The following FGFR3 variants were observed in gnomAD, a reference collection of about 807,000 sequenced individuals.
FGFR3 encodes the protein fibroblast growth factor receptor 3, also known as FGFR-3.
FGFR3 carries 25 observed loss-of-function variants against 82.9 expected under a neutral mutation model. The ratio of observed to expected loss-of-function variants is 0.30; its 90% confidence interval spans 0.22 to 0.42. FGFR3 has a LOEUF of 0.42. FGFR3 is among the 10% of genes least tolerant of loss of function. The probability of loss-of-function intolerance (pLI) is 1.00; values close to 1 mark genes in which losing one functional copy is unlikely to be tolerated. For synonymous variants in FGFR3, 620 were observed against 516.0 expected, an observed-to-expected ratio of 1.20 and a Z score of -2.73; for missense variants, 1,026 against 1,161.0, an observed-to-expected ratio of 0.88 and a Z score of 1.69.
At chr4:1,802,940 C>T (rs3135882) in intron 7 of FGFR3, 21 of 1,602,390 alleles carry the variant, frequency 1.3e-5, no homozygotes, top group African/African-American at 2.7e-5. Context: ...GTGTGGAGGC[C>T]GACGTGCGCC....
At position 1,808,195 on chromosome 4, in the gene FGFR3, T is replaced by A. The variant is rs868558612; in HGVS notation, c.*933T>A. The A allele has an allele frequency of 4.3e-6, 1 of 232,888 alleles. No homozygotes were observed. The highest frequency in any genetic ancestry group is 1.3e-3 in the Middle Eastern group (1 of 782). The allele number at this position is 232,888 out of a possible 1,614,324, so 14.4% of individuals were successfully genotyped here. A position where few individuals can be genotyped will look rare whatever the true frequency, so the allele number is the denominator to read the frequency against. On this transcript the variant is annotated 3_prime_UTR_variant, in exon 18 of 18. Transcript: ENST00000440486. ...GGCCACATGGCGGAGAGTTTTAATT[T>A]TTAACTTATTGACAACCGAGAAGGT...
chr4:1,801,342 C>G, intron 4 of FGFR3, 25 bp from the exon 5 acceptor site: 4 of 1,546,306 alleles, frequency 2.6e-6, no homozygotes, highest in South Asian at 1.2e-5. Context: ...CGGGTCATGG[C>G]CTTCACACGC....
Position 1,801,894 on chromosome 4 carries a change from C to G in FGFR3, c.799C>G (p.Leu267Val), listed in dbSNP as rs746064816. ...GCTGCCGGCCAACCAGACGGCGGTG[C>G]TGGGCAGCGACGTGGAGTTCCACTG... ...AGLPANQTAV[L>V]GSDVEFHCKV... Residue 267 changes from leucine to valine, a missense_variant, in exon 7 of 18, where the codon CTG (leucine) becomes GTG (valine). Physicochemically the swap from Leu to Val is conservative, Grantham distance 32 (BLOSUM62 1). Around this residue, in one of 9 missense-constraint regions of FGFR3, gnomAD observed 147 missense variants for 228.1 expected, o/e 0.64. Transcript: ENST00000440486. The G allele has an allele frequency of 6.2e-7, 1 of 1,611,542 alleles. No homozygotes were observed. Among genetic ancestry groups the G allele is most frequent in the Non-Finnish European group, 8.5e-7 (1 of 1,179,186 alleles).
intron 2 of FGFR3, among the ~76,000 whole-genome samples, chr4:1,794,431 GC>G (rs1720221883): frequency 6.6e-6 from 1 of 152,190 alleles, no homozygotes; most frequent in South Asian, 2.1e-4. Context: ...CCTCCCCCGG[GC>G]CCCAGTTTGT....
intron 2 of FGFR3, among the ~76,000 whole-genome samples, chr4:1,795,244 G>A (rs1360453247): frequency 6.6e-6 from 1 of 151,952 alleles, no homozygotes; most frequent in Non-Finnish European, 1.5e-5. Context: ...CAGGGGTGCC[G>A]GAGGGGCGGC....
rs1309809400 is a variant in FGFR3, at chr4:1,804,401, T to G, written c.1147T>G (p.Phe383Val). Residue 383 changes from phenylalanine (F) to valine (V), a missense_variant, in exon 9 of 18, where the codon TTC (phenylalanine) becomes GTC (valine). By Grantham distance (50) the Phe-to-Val change is conservative. Around this residue, in one of 9 missense-constraint regions of FGFR3, gnomAD observed 256 missense variants for 217.6 expected, o/e 1.18. Coordinates refer to ENST00000440486, the MANE Select transcript of FGFR3 (RefSeq NM_000142.5). ...AGGCATCCTCAGCTACGGGGTGGGCTTCTTCCTGTTCATCCTGGTGGTGGC... is the reference window on the plus strand; with the variant it reads ...AGGCATCCTCAGCTACGGGGTGGGCGTCTTCCTGTTCATCCTGGTGGTGGC... ...YAGILSYGVG[F>V]FLFILVVAAV... The G allele has an allele frequency of 6.2e-7, 1 of 1,613,134 alleles. No individual in the cohort carries two copies. The highest frequency in any genetic ancestry group is 1.1e-5 in the South Asian group (1 of 91,018).
At position 1,803,740 on chromosome 4, in the gene FGFR3, CACA is replaced by C; in HGVS notation, c.982_984del (p.Asn328del). 1 of 1,614,068 alleles carries C rather than the reference CACA, an allele frequency of 6.2e-7. No homozygotes were observed. Among genetic ancestry groups the C allele is most frequent in the Non-Finnish European group, 8.5e-7 (1 of 1,180,030 alleles). On this transcript the variant is annotated inframe_deletion, in exon 8 of 18. Transcript: ENST00000440486. The stretch of plus-strand genomic sequence containing the variant: ...CAAGGAGCTAGAGGTTCTCTCCTTG[CACA>C]ACGTCACCTTTGAGGACGCCGGGGA...
rs201012537 is a variant in FGFR3, at chr4:1,802,007, C to G, written c.912C>G (p.Pro304=). 5.5e-5 allele frequency: 88 copies of G among 1,612,274 alleles called. No individual in the cohort carries two copies. In the East Asian group the frequency reaches 1.3e-3, roughly 25 times the overall value. The change falls in exon 7 of 18, where the codon CCC becomes CCG. Residue 304 remains proline (P), a synonymous_variant. Transcript: ENST00000440486. ...GCAAGGTGGGCCCGGACGGCACACCCTACGTTACCGTGCTCAAGGTGGGCC... is the reference window on the plus strand; with the variant it reads ...GCAAGGTGGGCCCGGACGGCACACCGTACGTTACCGTGCTCAAGGTGGGCC... ...NGSKVGPDGT[P]YVTVLKTAGA... is the part of the protein sequence containing the mutation.
At chr4:1,798,350 C>T (rs896639821) in intron 2 of FGFR3, among the ~76,000 whole-genome samples, 7 of 152,084 alleles carry the variant, frequency 4.6e-5, no homozygotes, top group Admixed American at 1.3e-4. Context: ...CAGCAGGACT[C>T]CACCCCCCGG....
At chr4:1,797,395 G>C (rs1197566868) in intron 2 of FGFR3, among the ~76,000 whole-genome samples, 1 of 152,198 alleles carries the variant, frequency 6.6e-6, no homozygotes, top group Non-Finnish European at 1.5e-5. Flanking sequence ...GGCAGTGGGG[G>C]GGGCAGTCAG....
intron 2 of FGFR3, among the ~76,000 whole-genome samples, chr4:1,796,508 C>A (rs3135851): frequency 2.6e-4 from 39 of 152,246 alleles, no homozygotes; most frequent in South Asian, 4.1e-4. Flanking sequence ...TGTTTCCTGA[C>A]CCCAGGCCCT....
At chr4:1,803,936 G>A (rs892233071) in intron 8 of FGFR3, 100 bp downstream of exon 8, 26 of 1,318,372 alleles carry the variant, frequency 2.0e-5, no homozygotes, top group Admixed American at 6.7e-5. Flanking sequence ...TGTGACTTAC[G>A]GCCGTCCCGC....
At position 1,806,902 on chromosome 4, in the gene FGFR3, C is replaced by G. The variant is rs1345572437; in HGVS notation, c.2242C>G (p.Leu748Val). The G allele has an allele frequency of 6.2e-7, 1 of 1,611,238 alleles. No homozygotes were observed. The highest frequency in any genetic ancestry group is 8.5e-7 in the Non-Finnish European group (1 of 1,179,398). ...CACCTTCAAGCAGCTGGTGGAGGAC[C>G]TGGACCGTGTCCTTACCGTGACGTC... ...RPTFKQLVED[L>V]DRVLTVTSTD... The change falls in exon 17 of 18, where the codon CTG (leucine) becomes GTG (valine). Residue 748 changes from leucine (L) to valine (V), a missense_variant. Physicochemically the swap from Leu to Val is conservative, Grantham distance 32 (BLOSUM62 1). Around this residue, in one of 9 missense-constraint regions of FGFR3, gnomAD observed 155 missense variants for 150.2 expected, o/e 1.03. Coordinates refer to ENST00000440486, the MANE Select transcript of FGFR3 (RefSeq NM_000142.5).
chr4:1,803,541 C>T (rs1721470888), intron 7 of FGFR3, 151 bp from the exon 8 acceptor site: 2 of 1,370,430 alleles, frequency 1.5e-6, no homozygotes, highest in Non-Finnish European at 2.0e-6. Context: ...GGAGGGCCCT[C>T]AGCCGCGTGG....
Position 1,794,059 on chromosome 4 carries a change from C to T in FGFR3, c.109+16C>T, listed in dbSNP as rs572899919. ...CGAGCGGCAGGTAAGAAGGGACCCA[C>T]TAGGCACGGGAGAGGCCGGCCCGTG... On this transcript the variant is annotated intron_variant, in intron 2 of 17. Coordinates refer to ENST00000440486, the MANE Select transcript of FGFR3 (RefSeq NM_000142.5). 1.5e-6 allele frequency: 2 copies of T among 1,361,676 alleles called. No individual in the cohort carries two copies. Among genetic ancestry groups the T allele is most frequent in the South Asian group, 3.5e-5 (2 of 57,246 alleles). 84.3% of individuals were successfully genotyped at this position (1,361,676 alleles called of 1,614,324 possible).
chr4:1,804,459 C>T lies in FGFR3; in HGVS notation c.1205C>T (p.Pro402Leu), dbSNP rs752194597. ...AVTLCRLRSP[P>L]KKGLGSPTVH... The stretch of plus-strand genomic sequence containing the variant: ...ACGCTCTGCCGCCTGCGCAGCCCCC[C>T]CAAGAAAGGCCTGGGCTCCCCCACC... The change falls in exon 9 of 18, where the codon CCC (proline) becomes CTC (leucine). Residue 402 changes from proline to leucine, a missense_variant. By Grantham distance (98) the Pro-to-Leu change is moderately conservative (BLOSUM62 -3). Coordinates refer to ENST00000440486, the MANE Select transcript of FGFR3 (RefSeq NM_000142.5). 1.2e-6 allele frequency: 2 copies of T among 1,613,092 alleles called. No homozygotes were observed. The highest frequency in any genetic ancestry group is 1.7e-6 in the Non-Finnish European group (2 of 1,179,828).
intron 7 of FGFR3, 59 bp from the exon 8 acceptor site, chr4:1,803,633 T>C: frequency 6.3e-7 from 1 of 1,591,186 alleles, no homozygotes; most frequent in Non-Finnish European, 8.6e-7. Context: ...GTGTGGACTC[T>C]GTGCGGTGCC....
In FGFR3 at chr4:1,807,287, G is replaced by A. The variant is rs976206582; in HGVS notation, c.*25G>A. The A allele has an allele frequency of 6.3e-7, 1 of 1,579,458 alleles. No homozygotes were observed. ...AAGGGCCACTGGTCCCCAACAATGT[G>A]AGGGGTCCCTAGCAGCCCACCCTGC... is the stretch of plus-strand genomic sequence containing the variant. On this transcript the variant is annotated 3_prime_UTR_variant, in exon 18 of 18. Transcript: ENST00000440486.
At chr4:1,804,663 T>TG in intron 9 of FGFR3, 143 bp downstream of exon 9, 1 of 1,414,510 alleles carries the variant, frequency 7.1e-7, no homozygotes, top group South Asian at 1.2e-5. Flanking sequence ...GCTCACCATG[T>TG]AGAGCCTAGG....
Sources: gnomAD v4.1 joint callset for allele counts (sites outside exome capture counted in the v4.1 genomes callset) on GRCh38, gnomAD v4.1.1 for gene constraint, gnomAD v4.1.1 regional missense constraint, MANE v1.5 for transcripts, NCBI Gene and HGNC (gene_info 2026-07-23, HGNC 2026-07-21) for gene names.